ADAMTS19: variants seen among roughly 807,000 people sequenced by gnomAD.
ADAMTS19 encodes the protein A disintegrin and metalloproteinase with thrombospondin motifs 19.
A neutral mutation model predicts 153.3 loss-of-function variants in ADAMTS19; 93 were observed. The observed-to-expected ratio is 0.61, with a 90% CI of 0.51 to 0.72. The LOEUF is 0.72. Ranked by LOEUF, ADAMTS19 falls within the 30% of genes least tolerant of loss-of-function variation. The pLI, the probability that ADAMTS19 is intolerant of heterozygous loss-of-function variation, is 0.00. For synonymous variants in ADAMTS19, 600 were observed against 556.6 expected (o/e 1.08, Z -1.10); for missense variants, 1,482 against 1,552.1 (o/e 0.95, Z 0.76).
intron 6 of ADAMTS19, among the ~76,000 whole-genome samples, chr5:129,544,950 A>G (rs1752800962): frequency 6.6e-6 from 1 of 152,178 alleles, no homozygotes; most frequent in African/African-American, 2.4e-5. Flanking sequence ...GTGAAAGCAT[A>G]TGCAAAACTG....
chr5:129,515,880 G>A (rs1751588063), intron 3 of ADAMTS19, among the ~76,000 whole-genome samples: 1 of 151,958 alleles, frequency 6.6e-6, no homozygotes, highest in Admixed American at 6.6e-5. Context: ...TTAGAGAAAA[G>A]TCTTTCTGTT....
Position 129,702,941 on chromosome 5 carries a change from A to AAAATAT in ADAMTS19, c.3160-1297_3160-1296insAATATA. ...TAGTTTGACTTGCCAAAAAAAAAAA[A>AAAATAT]ATATATATATATATATATATATATA... On this transcript the variant is annotated intron_variant, in intron 20 of 22. Transcript: ENST00000274487. Among the ~76,000 whole-genome samples, 19 of 29,304 alleles carry AAAATAT rather than the reference A, an allele frequency of 6.5e-4. 1 individual carries two copies. The highest frequency in any genetic ancestry group is 3.3e-3 in the South Asian group (3 of 908). 19.2% of individuals were successfully genotyped at this position (29,304 alleles called of 152,430 possible).
intron 2 of ADAMTS19, among the ~76,000 whole-genome samples, chr5:129,483,734 T>C (rs1334375121): frequency 6.6e-6 from 1 of 152,208 alleles, no homozygotes; most frequent in Non-Finnish European, 1.5e-5. Flanking sequence ...TTGTGCATGG[T>C]TGTGGCCATG....
intron 19 of ADAMTS19, among the ~76,000 whole-genome samples, chr5:129,698,512 G>A (rs974138816): frequency 6.6e-6 from 1 of 152,130 alleles, no homozygotes; most frequent in Non-Finnish European, 1.5e-5. Flanking sequence ...AAGGAAATGG[G>A]ATCCTTCCAA....
chr5:129,687,831 T>C lies in ADAMTS19; in HGVS notation c.2818+3558T>C, dbSNP rs553652841. ...TTCTAGAGATTATTTAGGTTTTCTT[T>C]GGATACAAATGGACGTTTTATTATA... On this transcript the variant is annotated intron_variant, in intron 18 of 22. Coordinates refer to ENST00000274487, the MANE Select transcript of ADAMTS19 (RefSeq NM_133638.6). Among the ~76,000 whole-genome samples the C allele has an allele frequency of 3.9e-5, 6 of 152,338 alleles. No homozygotes were observed. In the East Asian group the frequency reaches 9.6e-4, roughly 24 times the overall value.
At chr5:129,631,075 C>T (rs1752263411) in intron 10 of ADAMTS19, among the ~76,000 whole-genome samples, 1 of 150,718 alleles carries the variant, frequency 6.6e-6, no homozygotes, top group South Asian at 2.1e-4. Flanking sequence ...ATTGAAAAAA[C>T]TAAATTGTTG....
intron 21 of ADAMTS19, among the ~76,000 whole-genome samples, chr5:129,731,029 G>T (rs1384348902): frequency 1.3e-5 from 2 of 151,932 alleles, no homozygotes; most frequent in Non-Finnish European, 2.9e-5. Flanking sequence ...CATGATCTTG[G>T]CTCACTGCAA....
At chr5:129,467,381 G>C (rs1218492374) in intron 2 of ADAMTS19, among the ~76,000 whole-genome samples, 1 of 152,172 alleles carries the variant, frequency 6.6e-6, no homozygotes, top group African/African-American at 2.4e-5. Flanking sequence ...TAGTTAGATA[G>C]AGGTTAAGAG....
chr5:129,647,703 G>A, intron 11 of ADAMTS19, 62 bp from the exon 12 acceptor site: 1 of 1,565,430 alleles, frequency 6.4e-7, no homozygotes, highest in Non-Finnish European at 8.7e-7. Context: ...GACATTATAG[G>A]CCAGCGAATG....
chr5:129,642,850 T>TC (rs1160874), intron 11 of ADAMTS19, among the ~76,000 whole-genome samples: 63,587 of 151,966 alleles, frequency 0.42, 14,773 homozygotes, highest in African/African-American at 0.63. Context: ...ATGAAGCTAT[T>TC]AACTTCTAGA....
chr5:129,566,431 C>A (rs2126854149), intron 7 of ADAMTS19, among the ~76,000 whole-genome samples: 2 of 152,184 alleles, frequency 1.3e-5, no homozygotes, highest in East Asian at 3.9e-4. Flanking sequence ...TTGAATGCAC[C>A]TATAAAACTT....
intron 18 of ADAMTS19, among the ~76,000 whole-genome samples, chr5:129,692,026 A>G (rs1239554553): frequency 6.6e-6 from 1 of 152,192 alleles, no homozygotes; most frequent in Non-Finnish European, 1.5e-5. Context: ...AAATGTCATC[A>G]TTTAAATGAA....
At chr5:129,572,790 AAAG>A (rs1753959932) in intron 7 of ADAMTS19, among the ~76,000 whole-genome samples, 2 of 152,020 alleles carry the variant, frequency 1.3e-5, no homozygotes, top group Admixed American at 1.3e-4. Context: ...GGAATAGCAC[AAAG>A]AAGTTTTGGG....
At chr5:129,716,238 C>T (rs1756724731) in intron 21 of ADAMTS19, among the ~76,000 whole-genome samples, 1 of 151,964 alleles carries the variant, frequency 6.6e-6, no homozygotes, top group African/African-American at 2.4e-5. Flanking sequence ...TGCTCTGTTG[C>T]CCAGGCTGGA....
intron 3 of ADAMTS19, among the ~76,000 whole-genome samples, chr5:129,523,291 A>T (rs1751890338): frequency 6.6e-6 from 1 of 152,198 alleles, no homozygotes; most frequent in Non-Finnish European, 1.5e-5. Context: ...TTCAAAACAC[A>T]GTTAGAGACA....
rs1292671593 is a variant in ADAMTS19 at position 129,553,569 on chromosome 5, C to T, written c.1372+1662C>T. 7.2e-5 allele frequency among the ~76,000 whole-genome samples: 11 copies of T among 152,084 alleles called. No individual in the cohort carries two copies. In the East Asian group the frequency reaches 1.9e-3, roughly 27 times the overall value. ...TCAAATAAATCAGTTTTAAATATTACAGCATAGGGTGTGAAAAGTCCAGTG... is the reference window on the plus strand; with the variant it reads ...TCAAATAAATCAGTTTTAAATATTATAGCATAGGGTGTGAAAAGTCCAGTG... On this transcript the variant is annotated intron_variant, in intron 7 of 22. Transcript: ENST00000274487.
chr5:129,688,925 A>G (rs915161128), intron 18 of ADAMTS19, among the ~76,000 whole-genome samples: 3 of 152,162 alleles, frequency 2.0e-5, no homozygotes, highest in Non-Finnish European at 4.4e-5. Context: ...TCAGTTTGCT[A>G]CAAGGTTCCT....
chr5:129,503,764 G>A (rs1278916925), intron 2 of ADAMTS19, among the ~76,000 whole-genome samples: 1 of 151,948 alleles, frequency 6.6e-6, no homozygotes, highest in East Asian at 1.9e-4. Flanking sequence ...GGAGGCGGAG[G>A]TTCCAGTGAG....
chr5:129,693,518 G>A (rs1327674223), intron 18 of ADAMTS19, among the ~76,000 whole-genome samples: 1 of 152,052 alleles, frequency 6.6e-6, no homozygotes, highest in African/African-American at 2.4e-5. Context: ...AAAATTTTGG[G>A]CTGATTTAAC....
Sources: allele counts gnomAD v4.1 joint callset (sites outside exome capture counted in the v4.1 genomes callset), GRCh38; gene constraint gnomAD v4.1.1; transcripts MANE v1.5; gene names NCBI Gene and HGNC (gene_info 2026-07-23, HGNC 2026-07-21).